The following SPIDR variants were observed in gnomAD, a reference collection of about 807,000 sequenced individuals.
SPIDR encodes DNA repair-scaffolding protein.
In SPIDR, 93 loss-of-function variants were observed where a neutral mutation model predicts 104.6. That is an observed-to-expected ratio of 0.89 (90% CI 0.75 to 1.06). The LOEUF (loss-of-function observed/expected upper bound fraction) is 1.06, where lower values mean the gene tolerates loss of function less well. Ranked by LOEUF, SPIDR falls within the 50% of genes least tolerant of loss-of-function variation. SPIDR has a pLI of 0.00. For missense variants in SPIDR, 1,154 were observed against 1,111.2 expected (o/e 1.04, Z -0.55); for synonymous variants, 431 against 416.9 (o/e 1.03, Z -0.41).
At chr8:47,486,676 A>G (rs1554731512) in intron 8 of SPIDR, among the ~76,000 whole-genome samples, 2 of 152,228 alleles carry the variant, frequency 1.3e-5, no homozygotes, top group African/African-American at 2.4e-5. Context: ...GCAAGCCAGA[A>G]GAGAGTGGGG....
At chr8:47,370,983 T>C (rs1338385677) in intron 5 of SPIDR, among the ~76,000 whole-genome samples, 1 of 152,058 alleles carries the variant, frequency 6.6e-6, no homozygotes, top group East Asian at 1.9e-4. Flanking sequence ...CTAACTGCAG[T>C]CCAGCTTCTG....
At chr8:47,303,654 C>T (rs2042629726) in intron 5 of SPIDR, among the ~76,000 whole-genome samples, 3 of 152,154 alleles carry the variant, frequency 2.0e-5, no homozygotes, top group Admixed American at 2.0e-4. Flanking sequence ...CGTGGTGTAT[C>T]ACATTTATTT....
In SPIDR at chr8:47,342,702, T is replaced by G. The variant is rs563129120; in HGVS notation, c.525+48672T>G. Reference sequence around the variant, plus strand: ...GCACACATTGTACACTCCTTTCTTATTATTTCCTTTCTTATCGACGCTGGT... The same window carrying G: ...GCACACATTGTACACTCCTTTCTTAGTATTTCCTTTCTTATCGACGCTGGT... On this transcript the variant is annotated intron_variant, in intron 5 of 19. Coordinates refer to ENST00000297423, the MANE Select transcript of SPIDR (RefSeq NM_001080394.4). Among the ~76,000 whole-genome samples the G allele has an allele frequency of 1.2e-4, 18 of 152,282 alleles. No homozygotes were observed. The South Asian group carries it at 3.7e-3, about 32-fold the overall frequency.
rs1213163664 is a variant in SPIDR, at chr8:47,500,827, T to C, written c.1097+60285T>C. On this transcript the variant is annotated intron_variant, in intron 8 of 19. Coordinates refer to ENST00000297423, the MANE Select transcript of SPIDR (RefSeq NM_001080394.4). ...CTTGAATTAATTTTTATATAAGGTG[T>C]AAGGAAGGGATCCAGTTTCAGCTTT... Among the ~76,000 whole-genome samples the C allele has an allele frequency of 5.3e-5, 8 of 152,250 alleles. No homozygotes were observed. The East Asian group carries it at 1.2e-3, about 22-fold the overall frequency.
At chr8:47,516,367 C>T (rs181860485) in intron 8 of SPIDR, among the ~76,000 whole-genome samples, 8 of 152,112 alleles carry the variant, frequency 5.3e-5, no homozygotes, top group Non-Finnish European at 5.9e-5. Context: ...CAACCAACAC[C>T]GCTCTTCATT....
chr8:47,549,847 A>G (rs2090150836), intron 8 of SPIDR, among the ~76,000 whole-genome samples: 1 of 152,180 alleles, frequency 6.6e-6, no homozygotes, highest in South Asian at 2.1e-4. Flanking sequence ...GCCCATGCCT[A>G]TGTCCTGAAT....
rs1455253446 is a variant in SPIDR, at chr8:47,735,676, ATATTTACTCGT to A, written c.*228_*238del. ...TTTTATTTTCTGCAAATTTAGGAAC[ATATTTACTCGT>A]TTTCACATTGAATCTTAAGTTTAAG... On this transcript the variant is annotated 3_prime_UTR_variant, in exon 20 of 20. Transcript: ENST00000297423. 6 of 958,358 alleles carry A rather than the reference ATATTTACTCGT, an allele frequency of 6.3e-6. No individual in the cohort carries two copies. In the African/African-American group the frequency reaches 8.3e-5, roughly 13 times the overall value. The allele number at this position is 958,358 out of a possible 1,614,324, so 59.4% of individuals were successfully genotyped here.
intron 14 of SPIDR, among the ~76,000 whole-genome samples, chr8:47,710,369 T>A (rs139800065): frequency 2.0e-5 from 3 of 152,174 alleles, no homozygotes; most frequent in Admixed American, 6.5e-5. Context: ...ACTGGCCAAA[T>A]CCAAAGTATT....
At chr8:47,334,456 A>G (rs1400756699) in intron 5 of SPIDR, among the ~76,000 whole-genome samples, 3 of 152,206 alleles carry the variant, frequency 2.0e-5, no homozygotes, top group African/African-American at 7.2e-5. Flanking sequence ...AGGTATATAC[A>G]TGTAAAGGAT....
intron 10 of SPIDR, among the ~76,000 whole-genome samples, chr8:47,622,136 T>A (rs2065252554): frequency 6.6e-6 from 1 of 152,042 alleles, no homozygotes; most frequent in Admixed American, 6.5e-5. Context: ...CTCAGCCCTG[T>A]CAGCCCTGCA....
chr8:47,541,774 C>T (rs2088194859), intron 8 of SPIDR, among the ~76,000 whole-genome samples: 2 of 152,070 alleles, frequency 1.3e-5, no homozygotes, highest in South Asian at 4.2e-4. Flanking sequence ...TGGTGCACAC[C>T]TGTAGTCTCA....
intron 8 of SPIDR, among the ~76,000 whole-genome samples, chr8:47,485,856 T>A (rs1466810536): frequency 3.9e-5 from 6 of 151,968 alleles, no homozygotes; most frequent in African/African-American, 1.2e-4. Context: ...CTATACATCA[T>A]CATCATCAAA....
At chr8:47,444,400 C>T (rs1439992837) in intron 8 of SPIDR, among the ~76,000 whole-genome samples, 2 of 152,140 alleles carry the variant, frequency 1.3e-5, no homozygotes, top group Admixed American at 6.6e-5. Flanking sequence ...ATTGGTATCC[C>T]CTGTGCCAGA....
intron 8 of SPIDR, among the ~76,000 whole-genome samples, chr8:47,478,274 G>A (rs559769274): frequency 9.2e-5 from 14 of 152,184 alleles, no homozygotes; most frequent in Admixed American, 3.3e-4. Flanking sequence ...AGCAACCAGC[G>A]GGGTGGTGAC....
intron 5 of SPIDR, among the ~76,000 whole-genome samples, chr8:47,372,125 G>C (rs1189981654): frequency 3.9e-5 from 6 of 152,108 alleles, no homozygotes; most frequent in Non-Finnish European, 8.8e-5. Context: ...CCATGTCCCT[G>C]ATCTATTACA....
At chr8:47,505,941 A>T (rs1204440052) in intron 8 of SPIDR, among the ~76,000 whole-genome samples, 1 of 152,184 alleles carries the variant, frequency 6.6e-6, no homozygotes, top group Non-Finnish European at 1.5e-5. Context: ...TAATTCCATT[A>T]TTTTTGAGTA....
intron 8 of SPIDR, among the ~76,000 whole-genome samples, chr8:47,528,667 T>C (rs1411042159): frequency 3.3e-5 from 5 of 151,996 alleles, no homozygotes; most frequent in African/African-American, 1.2e-4. Context: ...AAGAATGCCT[T>C]CGATGGGCTC....
intron 10 of SPIDR, among the ~76,000 whole-genome samples, chr8:47,636,757 A>G (rs1371210766): frequency 6.6e-6 from 1 of 151,752 alleles, no homozygotes; most frequent in African/African-American, 2.4e-5. Context: ...TCAAGGCTGC[A>G]GCGAGCCATG....
At chr8:47,647,310 A>G (rs975034865) in intron 10 of SPIDR, among the ~76,000 whole-genome samples, 3 of 152,180 alleles carry the variant, frequency 2.0e-5, no homozygotes, top group African/African-American at 7.2e-5. Flanking sequence ...CCACAGACCA[A>G]TAGATATAAT....
Sources: allele counts gnomAD v4.1 joint callset (sites outside exome capture counted in the v4.1 genomes callset), GRCh38; gene constraint gnomAD v4.1.1; transcripts MANE v1.5; gene names NCBI Gene and HGNC (gene_info 2026-07-23, HGNC 2026-07-21).